SLC26A4: variants seen among roughly 807,000 people sequenced by gnomAD.
SLC26A4 encodes the protein solute carrier family 26 member 4, also known as pendrin.
In SLC26A4, 93 loss-of-function variants were observed where a neutral mutation model predicts 90.4. The ratio of observed to expected loss-of-function variants is 1.03; its 90% CI spans 0.87 to 1.22. The LOEUF (loss-of-function observed/expected upper bound fraction) is 1.22. Among genes scored for constraint, SLC26A4 ranks in the 50% most tolerant of loss-of-function variants. The pLI is 0.00. For missense variants in SLC26A4, 1,127 were observed against 946.2 expected, an observed-to-expected ratio of 1.19 and a Z score of -2.51; for synonymous variants, 393 against 354.6, an observed-to-expected ratio of 1.11 and a Z score of -1.22.
chr7:107,682,130 A>AAAAAAAAAATT (rs1491372077), intron 6 of SLC26A4, among the ~76,000 whole-genome samples: 1 of 73,410 alleles, frequency 1.4e-5, no homozygotes, highest in African/African-American at 5.0e-5. Flanking sequence ...AAAAAAAAAA[A>AAAAAAAAAATT]TTTTTTTTAT....
rs1287296890 is a variant in SLC26A4 at position 107,715,859 on chromosome 7, A to T, written c.*413A>T. The T allele has an allele frequency of 5.3e-6, 1 of 188,806 alleles. No homozygotes were observed. Among genetic ancestry groups the T allele is most frequent in the Non-Finnish European group, 1.1e-5 (1 of 90,030 alleles). 11.7% of individuals were successfully genotyped at this position (188,806 alleles called of 1,614,324 possible). A position where few individuals can be genotyped will look rare whatever the true frequency, so the allele number is the denominator to read the frequency against. On this transcript the variant is annotated 3_prime_UTR_variant, in exon 21 of 21. Transcript: ENST00000644269. ...ACCTGGATATCCATGAGCTGCACTG[A>T]TCACCATGTAAGGTCACATTTAGTA...
rs71522844 is a variant in SLC26A4 at position 107,699,562 on chromosome 7, C to G, written c.1615-521C>G. On this transcript the variant is annotated intron_variant, in intron 14 of 20. Coordinates refer to ENST00000644269, the MANE Select transcript of SLC26A4 (RefSeq NM_000441.2). ...GTTGAATAAATTGCTTTCTAAGGCC[C>G]TTTCTAACTTTGACCTTCTATGAGA... 4.9e-3 allele frequency among the ~76,000 whole-genome samples: 744 copies of G among 152,218 alleles called. 3 individuals carry two copies. Among genetic ancestry groups the G allele is most frequent in the Non-Finnish European group, 6.6e-3 (450 of 68,018 alleles).
At chr7:107,705,004 T>C (rs1045086118) in intron 18 of SLC26A4, among the ~76,000 whole-genome samples, 1 of 152,240 alleles carries the variant, frequency 6.6e-6, no homozygotes, top group Non-Finnish European at 1.5e-5. Context: ...ACTATGTGCC[T>C]GTGCCTTGCA....
intron 6 of SLC26A4, among the ~76,000 whole-genome samples, chr7:107,679,385 G>T (rs1158725940): frequency 6.6e-6 from 1 of 152,088 alleles, no homozygotes; most frequent in East Asian, 1.9e-4. Context: ...CAAAAGATAT[G>T]GAAGGAAATG....
intron 20 of SLC26A4, among the ~76,000 whole-genome samples, chr7:107,714,214 C>A (rs1055561487): frequency 6.6e-6 from 1 of 152,318 alleles, no homozygotes; most frequent in East Asian, 1.9e-4. Flanking sequence ...GCATGAGCCA[C>A]CACATTGGCC....
At chr7:107,685,693 A>G (rs976240482) in intron 8 of SLC26A4, among the ~76,000 whole-genome samples, 3 of 152,044 alleles carry the variant, frequency 2.0e-5, no homozygotes, top group African/African-American at 7.2e-5. Context: ...ACTAGGATTC[A>G]CTCATTCTCC....
At chr7:107,712,054 G>T (rs1792207222) in intron 19 of SLC26A4, among the ~76,000 whole-genome samples, 2 of 152,304 alleles carry the variant, frequency 1.3e-5, no homozygotes, top group South Asian at 4.1e-4. Flanking sequence ...CTAAACAGTA[G>T]AGCTTTTCTG....
rs371998143 is a variant in SLC26A4 at position 107,702,016 on chromosome 7, A to G, written c.1993A>G (p.Ile665Val). The change falls in exon 17 of 21, where the codon ATA becomes GTA. Residue 665 changes from isoleucine to valine, a missense_variant. Coordinates refer to ENST00000644269, the MANE Select transcript of SLC26A4 (RefSeq NM_000441.2). ...TAGCCTTGTGCTTGACTGTGGAGCT[A>G]TATCTTTCCTGGACGTTGTTGGAGT... The part of the protein sequence containing the change: ...IHSLVLDCGA[I>V]SFLDVVGVRS... The G allele has an allele frequency of 1.7e-5, 28 of 1,613,846 alleles. No individual in the cohort carries two copies. The highest frequency in any genetic ancestry group is 2.7e-5 in the African/African-American group (2 of 74,914).
intron 3 of SLC26A4, among the ~76,000 whole-genome samples, chr7:107,671,658 C>T (rs1235535799): frequency 1.3e-5 from 2 of 152,238 alleles, no homozygotes; most frequent in Non-Finnish European, 2.9e-5. Flanking sequence ...CAACTCAGGA[C>T]AGGCTGATCT....
chr7:107,690,304 T>TCGCA, intron 10 of SLC26A4, 67 bp downstream of exon 10: 2 of 962,006 alleles, frequency 2.1e-6, no homozygotes, highest in Non-Finnish European at 3.4e-6. Flanking sequence ...AGAGGAAGGC[T>TCGCA]CGCACCGAGC....
chr7:107,667,372 C>T (rs1404521976), intron 3 of SLC26A4, among the ~76,000 whole-genome samples: 3 of 147,414 alleles, frequency 2.0e-5, no homozygotes, highest in Admixed American at 7.0e-5. Flanking sequence ...AGGAGAGGGG[C>T]AGCCAAGAAC....
At chr7:107,666,320 C>A (rs1790712375) in intron 3 of SLC26A4, among the ~76,000 whole-genome samples, 1 of 152,096 alleles carries the variant, frequency 6.6e-6, no homozygotes, top group Non-Finnish European at 1.5e-5. Context: ...CTCCTGGGCC[C>A]AGGTGATCCT....
At chr7:107,677,169 C>T (rs369871360) in intron 6 of SLC26A4, among the ~76,000 whole-genome samples, 13 of 152,066 alleles carry the variant, frequency 8.5e-5, no homozygotes, top group African/African-American at 2.4e-4. Context: ...GGGAGTGAGA[C>T]CCTGTCTCAA....
chr7:107,667,460 TTAAAAAAAA>T (rs1422388447), intron 3 of SLC26A4, among the ~76,000 whole-genome samples: 2 of 26,426 alleles, frequency 7.6e-5, no homozygotes, highest in African/African-American at 3.6e-4. Flanking sequence ...GAGAGAAGGT[TTAAAAAAAA>T]AAAAAAAAAA....
intron 10 of SLC26A4, chr7:107,693,673 A>G: frequency 1.0e-6 from 1 of 991,654 alleles, no homozygotes; most frequent in Non-Finnish European, 1.2e-6. Context: ...TATGGATCTT[A>G]GGAGAGCTAT....
rs1214550215 is a variant in SLC26A4 at position 107,715,576 on chromosome 7, T to C, written c.*130T>C. On this transcript the variant is annotated 3_prime_UTR_variant, in exon 21 of 21. Coordinates refer to ENST00000644269, the MANE Select transcript of SLC26A4 (RefSeq NM_000441.2). ...GCCATTGAAAGAGAAGCACTAAGAC[T>C]GCTTCTAGGCTTTATTTATAAAATA... The C allele has an allele frequency of 1.3e-6, 1 of 796,250 alleles. No individual in the cohort carries two copies. Among genetic ancestry groups the C allele is most frequent in the Non-Finnish European group, 2.3e-6 (1 of 438,042 alleles). The allele number at this position is 796,250 out of a possible 1,614,324, so 49.3% of individuals were successfully genotyped here. A position where few individuals can be genotyped will look rare whatever the true frequency, so the allele number is the denominator to read the frequency against.
rs111033199 is a variant in SLC26A4 at position 107,672,245 on chromosome 7, G to T, written c.412G>T (p.Val138Phe). 407 of 1,564,088 alleles carry T rather than the reference G, an allele frequency of 2.6e-4. 1 individual carries two copies. Among genetic ancestry groups the T allele is most frequent in the Non-Finnish European group, 3.3e-4 (375 of 1,134,880 alleles). Residue 138 changes from valine to phenylalanine, a missense_variant, in exon 4 of 21, where the codon GTT becomes TTT. Physicochemically the swap from Val to Phe is conservative, Grantham distance 50 (BLOSUM62 -1). Coordinates refer to ENST00000644269, the MANE Select transcript of SLC26A4 (RefSeq NM_000441.2). ...FIFGTSRHIS[V>F]GPFPVVSLMV... ...CTTTGGAACATCAAGACATATCTCA[G>T]TTGGTAATTATAAGTATATTTTACA...
intron 6 of SLC26A4, among the ~76,000 whole-genome samples, chr7:107,681,007 G>A (rs1264646665): frequency 6.6e-6 from 1 of 152,186 alleles, no homozygotes; most frequent in East Asian, 1.9e-4. Context: ...TCTGGGATAG[G>A]TAGGGCTGTT....
At chr7:107,696,151 T>C in intron 13 of SLC26A4, 112 bp downstream of exon 13, 5 of 770,764 alleles carry the variant, frequency 6.5e-6, no homozygotes, top group Non-Finnish European at 1.2e-5. Context: ...AGTTACTGTA[T>C]ATTGAGTGCT....
Sources: gnomAD v4.1 joint callset for allele counts (sites outside exome capture counted in the v4.1 genomes callset) on GRCh38, gnomAD v4.1.1 for gene constraint, MANE v1.5 for transcripts, NCBI Gene and HGNC (gene_info 2026-07-23, HGNC 2026-07-21) for gene names.